The following MAP4 variants were observed in gnomAD, a reference collection of about 807,000 sequenced individuals.
The protein encoded by MAP4 is microtubule-associated protein 4.
In MAP4, 76 loss-of-function variants were observed where a neutral mutation model predicts 170.2. That is an observed-to-expected ratio of 0.45 (90% CI 0.37 to 0.54). The LOEUF (loss-of-function observed/expected upper bound fraction) is 0.54, where lower values mean the gene tolerates loss of function less well. MAP4 is among the 20% of genes least tolerant of loss of function. The pLI, the probability that MAP4 is intolerant of heterozygous loss-of-function variation, is 0.00. For missense variants in MAP4, 2,506 were observed against 2,748.0 expected (o/e 0.91, Z 1.97); for synonymous variants, 909 against 994.5 (o/e 0.91, Z 1.62).
Position 47,916,843 on chromosome 3 carries a change from T to TAC in MAP4, c.982_983dup (p.Ser329TyrfsTer15), listed in dbSNP as rs1448055508. The TAC allele has an allele frequency of 6.2e-7, 1 of 1,614,132 alleles. No homozygotes were observed. Among genetic ancestry groups the TAC allele is most frequent in the East Asian group, 2.2e-5 (1 of 44,896 alleles). On this transcript the variant is annotated frameshift_variant, in exon 7 of 21. Transcript: ENST00000683076. LOFTEE classifies it high-confidence loss of function. Reference sequence around the variant, plus strand: ...GCAGTACCACATTCTTGGCTGAAGATACATCTGTTTCTGTGGGCCATCTGA... The same window carrying TAC: ...GCAGTACCACATTCTTGGCTGAAGATACACATCTGTTTCTGTGGGCCATCTGA...
chr3:47,916,714 T>C lies in MAP4; in HGVS notation c.1113A>G (p.Gly371=). The C allele has an allele frequency of 6.2e-7, 1 of 1,614,100 alleles. No homozygotes were observed. The highest frequency in any genetic ancestry group is 1.3e-5 in the African/African-American group (1 of 75,022). ...KMDLAPSKDM[G]PPKENKKETE... ...TTTCTTTCTTGTTTTCTTTGGGTGG[T>C]CCCATGTCCTTGGAAGGGGCTAAGT... The change falls in exon 7 of 21, where the codon GGA becomes GGG. Residue 371 remains glycine, a synonymous_variant. Transcript: ENST00000683076.
At position 47,862,161 on chromosome 3, in the gene MAP4, CAAA is replaced by C. The variant is rs58780669; in HGVS notation, c.6502-4652_6502-4650del. ...GGGTGACAGAGCGAGACTCTGTCTC[CAAA>C]AAAAAAAAAAAAAAAACCTAGGTAG... On this transcript the variant is annotated intron_variant, in intron 17 of 20. Coordinates refer to ENST00000683076, the MANE Select transcript of MAP4 (RefSeq NM_001385682.1). 5.5e-3 allele frequency among the ~76,000 whole-genome samples: 453 copies of C among 82,718 alleles called. 4 individuals are homozygous for C. The highest frequency in any genetic ancestry group is 0.017 in the African/African-American group (392 of 23,256). The allele number at this position is 82,718 out of a possible 152,430, so 54.3% of individuals were successfully genotyped here.
intron 3 of MAP4, among the ~76,000 whole-genome samples, chr3:47,949,237 G>A (rs761037592): frequency 4.6e-5 from 7 of 151,988 alleles, no homozygotes; most frequent in East Asian, 3.9e-4. Flanking sequence ...AGCCTGAGGC[G>A]GGCAGATCAC....
At chr3:48,013,950 G>A (rs530571155) in intron 1 of MAP4, among the ~76,000 whole-genome samples, 2 of 152,290 alleles carry the variant, frequency 1.3e-5, no homozygotes, top group South Asian at 2.1e-4. Flanking sequence ...TCATTCTGAT[G>A]ACATGCCTGA....
chr3:47,871,948 G>T lies in MAP4; in HGVS notation c.5910C>A (p.Ser1970Arg), dbSNP rs2093116381. 6.2e-7 allele frequency: 1 copy of T among 1,613,484 alleles called. No individual in the cohort carries two copies. Among genetic ancestry groups the T allele is most frequent in the African/African-American group, 1.3e-5 (1 of 74,940 alleles). ...GCTTCTTGGGCAGGAGCGTGGAGGG[G>T]CTCCTACTGCTTGGGCCAGTTGAGG... ...AVASTGPSSR[S>R]PSTLLPKKPT... Residue 1970 changes from serine to arginine, a missense_variant, in exon 13 of 21, where the codon AGC (serine) becomes AGA (arginine). Around this residue, in one of 3 missense-constraint regions of MAP4, gnomAD observed 487 missense variants for 511.6 expected, o/e 0.95. Transcript: ENST00000683076.
intron 12 of MAP4, among the ~76,000 whole-genome samples, chr3:47,874,737 A>C (rs1487060340): frequency 6.6e-6 from 1 of 152,214 alleles, no homozygotes; most frequent in South Asian, 2.1e-4. Flanking sequence ...TCAGAGAGAA[A>C]GCTTTACAAG....
At chr3:47,888,426 C>T (rs1221853701) in intron 10 of MAP4, among the ~76,000 whole-genome samples, 2 of 152,046 alleles carry the variant, frequency 1.3e-5, no homozygotes, top group Non-Finnish European at 2.9e-5. Flanking sequence ...ACTCCTGAGC[C>T]CAGTGAGACC....
intron 1 of MAP4, among the ~76,000 whole-genome samples, chr3:48,044,201 C>A (rs1427934702): frequency 1.3e-5 from 2 of 151,298 alleles, no homozygotes; most frequent in African/African-American, 4.9e-5. Context: ...GTTGCCCAGG[C>A]TGGAGTGCAG....
chr3:47,912,753 C>T (rs2100036621), intron 8 of MAP4, among the ~76,000 whole-genome samples: 1 of 152,160 alleles, frequency 6.6e-6, no homozygotes, highest in African/African-American at 2.4e-5. Context: ...AAAATAAGCA[C>T]TTACTGCCTG....
At chr3:47,867,152 T>G (rs2081925440) in intron 17 of MAP4, 94 bp downstream of exon 17, 1 of 853,148 alleles carries the variant, frequency 1.2e-6, no homozygotes, top group African/African-American at 1.7e-5. Flanking sequence ...CTCAGGTCAC[T>G]GGGATTCTAT....
intron 1 of MAP4, among the ~76,000 whole-genome samples, chr3:48,059,910 A>T (rs1397620647): frequency 6.6e-6 from 1 of 150,864 alleles, no homozygotes; most frequent in African/African-American, 2.4e-5. Context: ...AACCTGGAGG[A>T]TGCAGTGGGC....
Position 47,875,696 on chromosome 3 carries a change from C to T in MAP4, c.5746G>A (p.Val1916Met), listed in dbSNP as rs555788087. 7.6e-5 allele frequency: 123 copies of T among 1,612,680 alleles called. No individual in the cohort carries two copies. Among genetic ancestry groups the T allele is most frequent in the Non-Finnish European group, 9.8e-5 (116 of 1,179,882 alleles). Residue 1916 changes from valine (V) to methionine (M), a missense_variant, in exon 12 of 21, where the codon GTG (valine) becomes ATG (methionine). This residue lies in a region of MAP4 where 487 missense variants were observed against 511.6 expected (regional missense o/e 0.95). Transcript: ENST00000683076. Reference protein sequence around the residue: ...ARPSILPSKDVKPKPIADAKA... With the variant: ...ARPSILPSKDMKPKPIADAKA... Reference sequence around the variant, plus strand: ...AGGTGACCACTTACCTTTGGCTTCACGTCTTTTGAAGGTAAGATGGAAGGC... The same window carrying T: ...AGGTGACCACTTACCTTTGGCTTCATGTCTTTTGAAGGTAAGATGGAAGGC...
At chr3:48,044,534 G>A (rs1245120618) in intron 1 of MAP4, among the ~76,000 whole-genome samples, 1 of 151,916 alleles carries the variant, frequency 6.6e-6, no homozygotes, top group Non-Finnish European at 1.5e-5. Flanking sequence ...AGGCCGAGGT[G>A]GGCAGATCAC....
At chr3:47,929,127 G>A (rs1171420799) in intron 3 of MAP4, among the ~76,000 whole-genome samples, 1 of 152,186 alleles carries the variant, frequency 6.6e-6, no homozygotes, top group African/African-American at 2.4e-5. Context: ...GCTGAGGCAG[G>A]CAGCTCACTT....
Position 47,910,558 on chromosome 3 carries a change from C to G in MAP4, c.3863G>C (p.Gly1288Ala), listed in dbSNP as rs2100035462. 6.5e-7 allele frequency: 1 copy of G among 1,535,964 alleles called. No homozygotes were observed. Among genetic ancestry groups the G allele is most frequent in the Middle Eastern group, 1.7e-4 (1 of 6,012 alleles). The change falls in exon 9 of 21, where the codon GGT becomes GCT. Residue 1288 changes from glycine (G) to alanine (A), a missense_variant. Gly to Ala is a moderately conservative substitution (Grantham distance 60, BLOSUM62 0). Transcript: ENST00000683076. ...TPTVEAVDRK[G>A]GNFQVNFVEL... ...AACAAAATTAACCTGAAAATTTCCA[C>G]CCTTCCTGTCAACTGCTTCCACTGT...
chr3:47,877,187 A>G, intron 11 of MAP4: 2 of 420,978 alleles, frequency 4.8e-6, no homozygotes, highest in Non-Finnish European at 8.8e-6. Flanking sequence ...TCTACAGAAC[A>G]TTTTTTACAG....
rs1215031869 is a variant in MAP4, at chr3:47,932,027, T to C, written c.293-3677A>G. ...TACACAGTTATACAACCATCACCACTATCTAACTTCAGAACATTTTCTTCA... is the reference window on the plus strand; with the variant it reads ...TACACAGTTATACAACCATCACCACCATCTAACTTCAGAACATTTTCTTCA... On this transcript the variant is annotated intron_variant, in intron 3 of 20. Coordinates refer to ENST00000683076, the MANE Select transcript of MAP4 (RefSeq NM_001385682.1). The C allele has an allele frequency of 4.6e-5, 7 of 152,188 alleles. No homozygotes were observed. The East Asian group carries it at 7.7e-4, about 17-fold the overall frequency. 9.4% of individuals were successfully genotyped at this position (152,188 alleles called of 1,614,324 possible). A position where few individuals can be genotyped will look rare whatever the true frequency, so the allele number is the denominator to read the frequency against.
intron 3 of MAP4, among the ~76,000 whole-genome samples, chr3:47,950,567 G>A (rs941166469): frequency 6.6e-6 from 1 of 151,786 alleles, no homozygotes; most frequent in African/African-American, 2.4e-5. Context: ...TTTTAGACTC[G>A]AGTAAATTAT....
At chr3:48,001,879 ATTT>A (rs951985670) in intron 1 of MAP4, among the ~76,000 whole-genome samples, 1 of 151,386 alleles carries the variant, frequency 6.6e-6, no homozygotes, top group African/African-American at 2.4e-5. Context: ...ATATCTTTTT[ATTT>A]TTTATTTTTT....
Sources: allele counts gnomAD v4.1 joint callset (sites outside exome capture counted in the v4.1 genomes callset), GRCh38; gene constraint gnomAD v4.1.1; regional missense constraint gnomAD v4.1.1; transcripts MANE v1.5; gene names NCBI Gene and HGNC (gene_info 2026-07-23, HGNC 2026-07-21).